The following CLYBL variants were observed in gnomAD, a reference collection of about 807,000 sequenced individuals.
The protein encoded by CLYBL is citramalyl-CoA lyase, mitochondrial.
In CLYBL, 31 loss-of-function variants were observed where a neutral mutation model predicts 38.9. That is an observed-to-expected ratio of 0.80 (90% confidence interval 0.60 to 1.08). The LOEUF is 1.08. Among genes scored for constraint, CLYBL ranks in the 50% least tolerant of loss-of-function variants. The pLI is 0.00. For missense variants in CLYBL, 434 were observed against 411.6 expected (o/e 1.05, Z -0.47); for synonymous variants, 171 against 158.6 (o/e 1.08, Z -0.59).
At chr13:99,873,426 T>G (rs1343512483) in intron 7 of CLYBL, among the ~76,000 whole-genome samples, 3 of 152,220 alleles carry the variant, frequency 2.0e-5, no homozygotes, top group Non-Finnish European at 4.4e-5. Flanking sequence ...AACCCTCAGA[T>G]ATTTTGTCCA....
At chr13:99,861,476 A>G (rs183909996) in intron 3 of CLYBL, among the ~76,000 whole-genome samples, 1 of 152,350 alleles carries the variant, frequency 6.6e-6, no homozygotes, top group Non-Finnish European at 1.5e-5. Flanking sequence ...TAACACCAAA[A>G]CCACTAATAC....
intron 7 of CLYBL, among the ~76,000 whole-genome samples, chr13:99,871,938 G>A (rs1427551336): frequency 7.1e-6 from 1 of 141,174 alleles, no homozygotes; most frequent in African/African-American, 2.7e-5. Context: ...TTACTTAGGA[G>A]AAAGAATATT....
intron 4 of CLYBL, among the ~76,000 whole-genome samples, chr13:99,863,321 A>G (rs1249974455): frequency 6.6e-6 from 1 of 152,254 alleles, no homozygotes; most frequent in Non-Finnish European, 1.5e-5. Context: ...AGTCCAAAAT[A>G]TTTAAATGAA....
At chr13:99,751,519 T>C (rs7319374) in intron 1 of CLYBL, among the ~76,000 whole-genome samples, 51,726 of 152,086 alleles carry the variant, frequency 0.34, 9,621 homozygotes, top group Middle Eastern at 0.52. Context: ...CTACACCTGG[T>C]GAACCTTGAA....
chr13:99,823,361 T>A (rs1184053810), intron 2 of CLYBL, among the ~76,000 whole-genome samples: 2 of 152,174 alleles, frequency 1.3e-5, no homozygotes, highest in Non-Finnish European at 2.9e-5. Flanking sequence ...CCACTATACC[T>A]GGCTAGTTTA....
intron 7 of CLYBL, among the ~76,000 whole-genome samples, chr13:99,875,745 C>G (rs2052022642): frequency 6.6e-6 from 1 of 152,206 alleles, no homozygotes; most frequent in East Asian, 1.9e-4. Flanking sequence ...GCCCACGACC[C>G]ACAGCCTTCC....
chr13:99,898,145 G>A (rs184932533), downstream of CLYBL, among the ~76,000 whole-genome samples: 4 of 152,332 alleles, frequency 2.6e-5, no homozygotes, highest in East Asian at 5.8e-4. Context: ...GAGAGATTCA[G>A]TGACAAGAAA....
At chr13:99,816,109 G>A (rs901765958) in intron 2 of CLYBL, among the ~76,000 whole-genome samples, 3 of 152,172 alleles carry the variant, frequency 2.0e-5, no homozygotes, top group African/African-American at 7.2e-5. Context: ...ATTTGGCAGA[G>A]GACAGAGAAA....
At chr13:99,764,177 C>T (rs2049222261) in intron 1 of CLYBL, among the ~76,000 whole-genome samples, 1 of 152,106 alleles carries the variant, frequency 6.6e-6, no homozygotes, top group Non-Finnish European at 1.5e-5. Flanking sequence ...TCTGCCTCAG[C>T]CACCCAAGTA....
intron 1 of CLYBL, among the ~76,000 whole-genome samples, chr13:99,667,263 G>A (rs747096766): frequency 2.9e-4 from 44 of 152,086 alleles, no homozygotes; most frequent in Non-Finnish European, 5.1e-4. Context: ...CCTTGAGGAT[G>A]GAGCCACGTA....
At chr13:99,845,763 C>T (rs2051189006) in intron 2 of CLYBL, among the ~76,000 whole-genome samples, 1 of 152,146 alleles carries the variant, frequency 6.6e-6, no homozygotes, top group South Asian at 2.1e-4. Context: ...CTGGGGGGCC[C>T]TTAGCTGTAA....
chr13:99,731,420 GGCCAGGA>G (rs1177846086), intron 1 of CLYBL, among the ~76,000 whole-genome samples: 1 of 150,830 alleles, frequency 6.6e-6, no homozygotes, highest in African/African-American at 2.4e-5. Flanking sequence ...GATTACTTGA[GGCCAGGA>G]GTTTGAGATC....
intron 7 of CLYBL, among the ~76,000 whole-genome samples, chr13:99,888,638 A>C (rs967461829): frequency 2.6e-5 from 4 of 152,170 alleles, no homozygotes. Context: ...CTGTAGTCCC[A>C]GCTAGTTGGG....
At chr13:99,861,232 G>GGGA (rs371949801) in intron 3 of CLYBL, among the ~76,000 whole-genome samples, 88 of 152,040 alleles carry the variant, frequency 5.8e-4, no homozygotes, top group African/African-American at 1.7e-3. Flanking sequence ...AAGAAAGAGG[G>GGGA]GGAGGAGGAG....
chr13:99,654,822 G>A (rs568259720), intron 1 of CLYBL, among the ~76,000 whole-genome samples: 3 of 152,230 alleles, frequency 2.0e-5, no homozygotes, highest in East Asian at 3.9e-4. Flanking sequence ...TGGCTAACAC[G>A]GTGAAACCCT....
At chr13:99,724,012 T>C (rs965477363) in intron 1 of CLYBL, among the ~76,000 whole-genome samples, 1 of 152,222 alleles carries the variant, frequency 6.6e-6, no homozygotes, top group African/African-American at 2.4e-5. Flanking sequence ...TTTGCTGCAA[T>C]GAGTTGTGTC....
At chr13:99,608,233 C>T (rs2046563488) in intron 1 of CLYBL, among the ~76,000 whole-genome samples, 1 of 151,436 alleles carries the variant, frequency 6.6e-6, no homozygotes, top group Non-Finnish European at 1.5e-5. Flanking sequence ...CCACCATGCC[C>T]GGCTAATTTT....
chr13:99,863,935 G>A (rs1482641819), intron 4 of CLYBL, among the ~76,000 whole-genome samples: 1 of 152,194 alleles, frequency 6.6e-6, no homozygotes, highest in Non-Finnish European at 1.5e-5. Context: ...GAGGCCTTGG[G>A]ATGTGCAGAA....
chr13:99,736,636 G>A (rs2048673104), intron 1 of CLYBL, among the ~76,000 whole-genome samples: 1 of 152,038 alleles, frequency 6.6e-6, no homozygotes, highest in African/African-American at 2.4e-5. Context: ...GAAATCTATG[G>A]TCCTGCCTGT....
Sources: allele counts gnomAD v4.1 joint callset (sites outside exome capture counted in the v4.1 genomes callset), GRCh38; gene constraint gnomAD v4.1.1; transcripts MANE v1.5; gene names NCBI Gene and HGNC (gene_info 2026-07-23, HGNC 2026-07-21).